CA10: variants seen among roughly 807,000 people sequenced by gnomAD.
The protein encoded by CA10 is carbonic anhydrase 10 (inactive).
CA10 carries 14 observed loss-of-function variants against 44.2 expected under a neutral mutation model. That is an observed-to-expected ratio of 0.32 (90% CI 0.21 to 0.50). The LOEUF (loss-of-function observed/expected upper bound fraction) is 0.50, where lower values mean the gene tolerates loss of function less well. Ranked by LOEUF, CA10 falls within the 20% of genes least tolerant of loss-of-function variation. The probability of loss-of-function intolerance (pLI) is 0.99; values close to 1 mark genes in which losing one functional copy is unlikely to be tolerated. For missense variants in CA10, 350 were observed against 409.7 expected (o/e 0.85, Z 1.26); for synonymous variants, 159 against 141.6 (o/e 1.12, Z -0.87).
At position 51,700,323 on chromosome 17, in the gene CA10, T is replaced by A. The variant is rs572044916; in HGVS notation, c.466-46587A>T. Among the ~76,000 whole-genome samples, 3 of 152,258 alleles carry A rather than the reference T, an allele frequency of 2.0e-5. No homozygotes were observed. In the East Asian group the frequency reaches 5.8e-4, roughly 29 times the overall value. On this transcript the variant is annotated intron_variant, in intron 4 of 8. Transcript: ENST00000451037. ...ACTTCAGATAATATCGCTGCACTGC[T>A]CACAGACCCTCCCAAAGCTCTCCAC...
intron 4 of CA10, among the ~76,000 whole-genome samples, chr17:51,678,814 C>T (rs1039581716): frequency 3.9e-5 from 6 of 152,178 alleles, no homozygotes; most frequent in Non-Finnish European, 7.3e-5. Context: ...GATCTGAAGT[C>T]TCCTCCAAGT....
In CA10 at chr17:52,048,661, G is replaced by A. The variant is rs80173897; in HGVS notation, c.136+23658C>T. ...GGAGCCCTCAGGGTGGGGTAGAGTA[G>A]GAAAATAATCTGAATATGCTGAGAG... is the stretch of plus-strand genomic sequence containing the variant. On this transcript the variant is annotated intron_variant, in intron 2 of 8. Transcript: ENST00000451037. Among the ~76,000 whole-genome samples, 1,063 of 152,108 alleles carry A rather than the reference G, an allele frequency of 7.0e-3. 13 individuals are homozygous for A. Among genetic ancestry groups the A allele is most frequent in the African/African-American group, 0.022 (913 of 41,542 alleles).
At chr17:51,719,739 G>T (rs140190674) in intron 4 of CA10, among the ~76,000 whole-genome samples, 1 of 151,908 alleles carries the variant, frequency 6.6e-6, no homozygotes, top group East Asian at 1.9e-4. Flanking sequence ...GTAAAAAAAA[G>T]TTAGCCAGGC....
At position 51,796,966 on chromosome 17, in the gene CA10, A is replaced by T. The variant is rs117603984; in HGVS notation, c.280-49148T>A. On this transcript the variant is annotated intron_variant, in intron 3 of 8. Transcript: ENST00000451037. ...TGACCTCCCTAACAATTATTCAGTC[A>T]TTATTCTCATCTTTAAAGGCCTCCT... Among the ~76,000 whole-genome samples, 420 of 152,294 alleles carry T rather than the reference A, an allele frequency of 2.8e-3. 1 individual carries two copies. Among genetic ancestry groups the T allele is most frequent in the Non-Finnish European group, 4.1e-3 (276 of 68,020 alleles).
Position 51,895,889 on chromosome 17 carries a change from G to C in CA10, c.279+35101C>G, listed in dbSNP as rs2107114. ...TAAGGTGAAAATTTCAAACTACTAT[G>C]AGGTAAACTGTAAATAAAAAATAAG... On this transcript the variant is annotated intron_variant, in intron 3 of 8. Transcript: ENST00000451037. Among the ~76,000 whole-genome samples, 1,041 of 151,992 alleles carry C rather than the reference G, an allele frequency of 6.8e-3. 14 individuals are homozygous for C. The highest frequency in any genetic ancestry group is 0.023 in the African/African-American group (965 of 41,496).
chr17:51,738,281 C>T lies in CA10; in HGVS notation c.465+9352G>A, dbSNP rs529710389. Among the ~76,000 whole-genome samples, 3 of 152,100 alleles carry T rather than the reference C, an allele frequency of 2.0e-5. No homozygotes were observed. The South Asian group carries it at 6.2e-4, about 32-fold the overall frequency. On this transcript the variant is annotated intron_variant, in intron 4 of 8. Transcript: ENST00000451037. ...AATGGATCCGGTGGTTTTAAATGGC[C>T]TTATTTTGAATTGTAGAGCAGCACA...
At position 51,693,709 on chromosome 17, in the gene CA10, T is replaced by TA. The variant is rs1229762403; in HGVS notation, c.466-39974dup. 2.6e-5 allele frequency among the ~76,000 whole-genome samples: 4 copies of TA among 152,366 alleles called. No homozygotes were observed. In the East Asian group the frequency reaches 7.7e-4, roughly 29 times the overall value. ...TATTTCTGTGTAGCATTTCATGGTG[T>TA]ATATGTACCATATTTTCTTTATTTG... On this transcript the variant is annotated intron_variant, in intron 4 of 8. Transcript: ENST00000451037.
At chr17:52,112,232 AG>A (rs781675383) in intron 1 of CA10, among the ~76,000 whole-genome samples, 9 of 152,196 alleles carry the variant, frequency 5.9e-5, no homozygotes, top group Non-Finnish European at 1.2e-4. Context: ...CAATACAAAA[AG>A]TTCTCTCTCA....
rs578087319 is a variant in CA10 at position 51,856,214 on chromosome 17, A to T, written c.279+74776T>A. Among the ~76,000 whole-genome samples, 186 of 152,278 alleles carry T rather than the reference A, an allele frequency of 1.2e-3. 2 individuals carry two copies. Among genetic ancestry groups the T allele is most frequent in the Middle Eastern group, 6.8e-3 (2 of 294 alleles). ...GATTAAAATGTCTCAAGCATATCCA[A>T]TCCTAATGTATTAGATCTTTCTTTC... On this transcript the variant is annotated intron_variant, in intron 3 of 8. Transcript: ENST00000451037.
intron 3 of CA10, among the ~76,000 whole-genome samples, chr17:51,915,848 C>T (rs891666406): frequency 6.6e-6 from 1 of 151,954 alleles, no homozygotes; most frequent in Non-Finnish European, 1.5e-5. Flanking sequence ...GAAAGCTTGG[C>T]AGTTGTCATA....
At chr17:51,942,632 A>T (rs1211995157) in intron 2 of CA10, among the ~76,000 whole-genome samples, 1 of 151,362 alleles carries the variant, frequency 6.6e-6, no homozygotes, top group Non-Finnish European at 1.5e-5. Flanking sequence ...CCTAGCTACT[A>T]GTAGCCTAAT....
chr17:51,950,912 T>A (rs764169893), intron 2 of CA10, among the ~76,000 whole-genome samples: 3 of 152,144 alleles, frequency 2.0e-5, no homozygotes, highest in African/African-American at 7.2e-5. Context: ...GCTCCTAGGA[T>A]AGTGCACAGC....
rs1220609151 is a variant in CA10 at position 51,636,426 on chromosome 17, T to C, written c.635-417A>G. Among the ~76,000 whole-genome samples, 3 of 152,338 alleles carry C rather than the reference T, an allele frequency of 2.0e-5. No homozygotes were observed. In the East Asian group the frequency reaches 5.8e-4, roughly 29 times the overall value. On this transcript the variant is annotated intron_variant, in intron 6 of 8. Coordinates refer to ENST00000451037, the MANE Select transcript of CA10 (RefSeq NM_020178.5). ...CCATCCCAGAAGTGGCACACATCAC[T>C]TGTGCTCATGTTTTGGTAGCCAAAG...
intron 2 of CA10, among the ~76,000 whole-genome samples, chr17:52,071,867 G>C (rs73358897): frequency 0.016 from 2,439 of 152,198 alleles, 66 homozygotes; most frequent in African/African-American, 0.056. Context: ...TCCTCTGCCC[G>C]CATGCTGACA....
chr17:51,967,754 C>T (rs1984134199), intron 2 of CA10, among the ~76,000 whole-genome samples: 2 of 151,608 alleles, frequency 1.3e-5, no homozygotes, highest in Non-Finnish European at 3.0e-5. Context: ...GTGACAGAAT[C>T]ATTTACATTC....
chr17:51,936,781 G>A (rs149411267), intron 2 of CA10, among the ~76,000 whole-genome samples: 4 of 152,232 alleles, frequency 2.6e-5, no homozygotes, highest in African/African-American at 7.2e-5. Flanking sequence ...ATGGAACACA[G>A]CCAAGAGCAA....
intron 1 of CA10, among the ~76,000 whole-genome samples, chr17:52,146,216 A>G (rs924107982): frequency 6.6e-6 from 1 of 152,198 alleles, no homozygotes; most frequent in Admixed American, 6.5e-5. Context: ...ACAAACCTGC[A>G]TGTTGTGCAC....
At chr17:51,917,594 G>T (rs879381842) in intron 3 of CA10, among the ~76,000 whole-genome samples, 2 of 152,162 alleles carry the variant, frequency 1.3e-5, no homozygotes, top group Admixed American at 1.3e-4. Context: ...TTTTACTCAT[G>T]GCAGAAAAAG....
intron 3 of CA10, among the ~76,000 whole-genome samples, chr17:51,881,133 G>A (rs571423030): frequency 3.9e-4 from 59 of 151,598 alleles, no homozygotes; most frequent in Non-Finnish European, 7.7e-4. Context: ...CCAGCTACTC[G>A]GGAGGCTGAG....
Sources: gnomAD v4.1 joint callset for allele counts (sites outside exome capture counted in the v4.1 genomes callset) on GRCh38, gnomAD v4.1.1 for gene constraint, MANE v1.5 for transcripts, NCBI Gene and HGNC (gene_info 2026-07-23, HGNC 2026-07-21) for gene names.